SRPK2: variants seen among roughly 807,000 people sequenced by gnomAD.
SRPK2 encodes SRSF protein kinase 2.
In SRPK2, 21 loss-of-function variants were observed where a neutral mutation model predicts 90.8. The observed-to-expected ratio is 0.23, with a 90% CI of 0.16 to 0.33. The LOEUF (loss-of-function observed/expected upper bound fraction) is 0.33, where lower values mean the gene tolerates loss of function less well. Among genes scored for constraint, SRPK2 ranks in the 10% least tolerant of loss-of-function variants. The probability of loss-of-function intolerance (pLI) is 1.00; values close to 1 mark genes in which losing one functional copy is unlikely to be tolerated. For missense variants in SRPK2, 620 were observed against 869.0 expected, an observed-to-expected ratio of 0.71 and a Z score of 3.60; for synonymous variants, 288 against 311.1, an observed-to-expected ratio of 0.93 and a Z score of 0.78.
intron 13 of SRPK2, among the ~76,000 whole-genome samples, chr7:105,132,114 T>C (rs965548530): frequency 1.5e-4 from 23 of 152,174 alleles, no homozygotes; most frequent in African/African-American, 4.8e-5. Flanking sequence ...GCCTGACAGA[T>C]AGAAGAAGAG....
At chr7:105,167,573 T>C in intron 5 of SRPK2, 109 bp from the exon 6 acceptor site, 1 of 578,144 alleles carries the variant, frequency 1.7e-6, no homozygotes, top group Non-Finnish European at 2.9e-6. Flanking sequence ...AATAAAAAAT[T>C]CATCACAAAG....
At chr7:105,331,885 A>C (rs1814461073) in intron 2 of SRPK2, among the ~76,000 whole-genome samples, 1 of 152,176 alleles carries the variant, frequency 6.6e-6, no homozygotes, top group Non-Finnish European at 1.5e-5. Context: ...TTGGCCAGGC[A>C]CAGTGGCTCA....
At chr7:105,385,457 T>TGAGC (rs1821463570) in intron 2 of SRPK2, among the ~76,000 whole-genome samples, 1 of 152,240 alleles carries the variant, frequency 6.6e-6, no homozygotes, top group Admixed American at 6.5e-5. Context: ...ATTACAGGCG[T>TGAGC]GAGCCACCGC....
intron 2 of SRPK2, among the ~76,000 whole-genome samples, chr7:105,339,326 T>C (rs545495846): frequency 7.2e-5 from 11 of 152,334 alleles, no homozygotes; most frequent in African/African-American, 2.6e-4. Context: ...TTGGGGTTCT[T>C]AAATCTGTTT....
At chr7:105,206,376 T>C in intron 2 of SRPK2, 1 of 182,090 alleles carries the variant, frequency 5.5e-6, no homozygotes, top group South Asian at 1.1e-4. Context: ...CATTATAATG[T>C]CTCTCTCACT....
intron 3 of SRPK2, among the ~76,000 whole-genome samples, chr7:105,201,300 G>A (rs549179871): frequency 2.0e-5 from 3 of 152,220 alleles, no homozygotes; most frequent in Admixed American, 2.0e-4. Flanking sequence ...ATTTGGGGGG[G>A]GCTGGCACGG....
At chr7:105,264,047 G>A (rs779955054) in intron 2 of SRPK2, among the ~76,000 whole-genome samples, 1 of 152,110 alleles carries the variant, frequency 6.6e-6, no homozygotes, top group African/African-American at 2.4e-5. Context: ...GGGGGAGAAA[G>A]GGAAAACAAC....
At chr7:105,367,809 A>G (rs775116680) in intron 2 of SRPK2, among the ~76,000 whole-genome samples, 12 of 152,192 alleles carry the variant, frequency 7.9e-5, no homozygotes, top group Non-Finnish European at 1.0e-4. Flanking sequence ...ATCTACAAAT[A>G]TTTTAAGCAT....
chr7:105,142,042 C>T lies in SRPK2; in HGVS notation c.1509G>A (p.Thr503=). ...ESSPSHDRSR[T]VSASSTGDLP... ...AATCCCCAGTACTGGAGGCTGAAAC[C>T]GTTCTGCTTCTGTCATGGGATGGAC... The change falls in exon 11 of 16, where the codon ACG becomes ACA. Residue 503 remains threonine (T), a synonymous_variant. Coordinates refer to ENST00000393651, the MANE Select transcript of SRPK2 (RefSeq NM_182692.3). 5 of 1,613,464 alleles carry T rather than the reference C, an allele frequency of 3.1e-6. No individual in the cohort carries two copies. Among genetic ancestry groups the T allele is most frequent in the Non-Finnish European group, 4.2e-6 (5 of 1,179,684 alleles).
At chr7:105,196,641 T>C (rs951303429) in intron 3 of SRPK2, among the ~76,000 whole-genome samples, 1 of 152,388 alleles carries the variant, frequency 6.6e-6, no homozygotes, top group African/African-American at 2.4e-5. Flanking sequence ...GAACCTCTGA[T>C]GTAACACAGC....
intron 2 of SRPK2, among the ~76,000 whole-genome samples, chr7:105,213,491 C>T (rs1274028691): frequency 6.6e-6 from 1 of 151,588 alleles, no homozygotes; most frequent in Non-Finnish European, 1.5e-5. Context: ...AAGGGAAGAG[C>T]CCAGTTCAAA....
At chr7:105,294,512 T>TTTTTGTTTTG (rs10594080) in intron 2 of SRPK2, among the ~76,000 whole-genome samples, 1 of 149,870 alleles carries the variant, frequency 6.7e-6, no homozygotes, top group Admixed American at 6.7e-5. Flanking sequence ...TGTTGCTGTT[T>TTTTTGTTTTG]TTTTGTTTTG....
intron 7 of SRPK2, among the ~76,000 whole-genome samples, chr7:105,153,661 T>G (rs1355040126): frequency 6.6e-6 from 1 of 152,084 alleles, no homozygotes; most frequent in African/African-American, 2.4e-5. Context: ...CTGCTACTGG[T>G]GATAAGCGGT....
intron 2 of SRPK2, among the ~76,000 whole-genome samples, chr7:105,298,230 T>C (rs1385794951): frequency 6.6e-6 from 1 of 152,150 alleles, no homozygotes; most frequent in African/African-American, 2.4e-5. Context: ...TTTCCCAGAG[T>C]CTGTATGCTT....
chr7:105,207,471 C>T (rs1285527527), intron 2 of SRPK2, among the ~76,000 whole-genome samples: 2 of 152,090 alleles, frequency 1.3e-5, no homozygotes, highest in Admixed American at 1.3e-4. Flanking sequence ...CTAATGAAAG[C>T]CGTAAGGAAG....
intron 13 of SRPK2, among the ~76,000 whole-genome samples, 192 bp from the exon 14 acceptor site, chr7:105,127,254 T>A (rs1801337719): frequency 6.6e-6 from 1 of 152,234 alleles, no homozygotes; most frequent in African/African-American, 2.4e-5. Context: ...TTTACATTTC[T>A]AAGGAAAGAT....
At chr7:105,316,529 ACT>A (rs568644312) in intron 2 of SRPK2, among the ~76,000 whole-genome samples, 30 of 152,310 alleles carry the variant, frequency 2.0e-4, no homozygotes, top group Admixed American at 5.2e-4. Context: ...CTGACTTGTA[ACT>A]CTGACAATAT....
intron 2 of SRPK2, among the ~76,000 whole-genome samples, chr7:105,374,084 G>C (rs749383570): frequency 6.6e-6 from 1 of 151,868 alleles, no homozygotes; most frequent in Non-Finnish European, 1.5e-5. Context: ...ATGCCACCAC[G>C]CCCAGCTAAT....
intron 2 of SRPK2, among the ~76,000 whole-genome samples, chr7:105,283,978 G>A (rs969570413): frequency 1.3e-5 from 2 of 152,046 alleles, no homozygotes; most frequent in Middle Eastern, 3.2e-3. Flanking sequence ...AGACAGGCTG[G>A]GAGACAGGGA....
Sources: gnomAD v4.1 joint callset for allele counts (sites outside exome capture counted in the v4.1 genomes callset) on GRCh38, gnomAD v4.1.1 for gene constraint, MANE v1.5 for transcripts, NCBI Gene and HGNC (gene_info 2026-07-23, HGNC 2026-07-21) for gene names.